CDCP2: variants seen among roughly 807,000 people sequenced by gnomAD.
The protein encoded by CDCP2 is CUB domain containing protein 2, also known as CUB domain-containing protein 2.
A neutral mutation model predicts 31.0 loss-of-function variants in CDCP2; 31 were observed. The ratio of observed to expected loss-of-function variants is 1.00; its 90% CI spans 0.75 to 1.35. CDCP2 has a LOEUF of 1.35. Ranked by LOEUF, CDCP2 falls within the 40% of genes most tolerant of loss-of-function variation. The pLI, the probability that CDCP2 is intolerant of heterozygous loss-of-function variation, is 0.00. For synonymous variants in CDCP2, 206 were observed against 207.9 expected, an observed-to-expected ratio of 0.99 and a Z score of 0.08; for missense variants, 443 against 482.6, an observed-to-expected ratio of 0.92 and a Z score of 0.77.
rs879256492 is a variant in CDCP2 at position 54,148,370 on chromosome 1, G to GA, written c.80-3558dup. Among the ~76,000 whole-genome samples the GA allele has an allele frequency of 7.6e-3, 973 of 127,382 alleles. 21 individuals are homozygous for GA. Among genetic ancestry groups the GA allele is most frequent in the African/African-American group, 0.025 (850 of 33,338 alleles). 83.6% of individuals were successfully genotyped at this position (127,382 alleles called of 152,430 possible). A position where few individuals can be genotyped will look rare whatever the true frequency, so the allele number is the denominator to read the frequency against. ...CAACCTCTAAAAAAAAAGAAAAAAA[G>GA]AAAAAAAAAATTCACTTCAGCTGAC... is the stretch of plus-strand genomic sequence containing the variant. On this transcript the variant is annotated intron_variant, in intron 1 of 5. Coordinates refer to ENST00000530059, the Ensembl canonical transcript of CDCP2.
rs191161784 is a variant in CDCP2 at position 54,139,045 on chromosome 1, A to G, written c.1117+708T>C. On this transcript the variant is annotated intron_variant, in intron 4 of 5. Transcript: ENST00000530059. ...GCTTCCTCTGCAGCCAGGCATGGCC[A>G]TCTGACTGAGTTCAAACTGATGGGA... The G allele has an allele frequency of 7.4e-4, 115 of 156,142 alleles. 1 individual carries two copies. Among genetic ancestry groups the G allele is most frequent in the Admixed American group, 6.9e-3 (112 of 16,192 alleles). 9.7% of individuals were successfully genotyped at this position (156,142 alleles called of 1,614,324 possible).
chr1:54,137,315 C>T (rs939717116), intron 4 of CDCP2, among the ~76,000 whole-genome samples: 1 of 151,984 alleles, frequency 6.6e-6, no homozygotes, highest in Non-Finnish European at 1.5e-5. Context: ...ATGTAAAATA[C>T]ACCCACGTGT....
chr1:54,133,195 G>C, exon 6 of CDCP2: 1 of 399,120 alleles, frequency 2.5e-6, no homozygotes, highest in Admixed American at 4.4e-5. Context: ...TCCTTGCGCC[G>C]TGGCTCACAG....
intron 1 of CDCP2, among the ~76,000 whole-genome samples, 156 bp from the exon 2 acceptor site, chr1:54,144,969 G>C (rs1659439603): frequency 6.6e-6 from 1 of 152,152 alleles, no homozygotes; most frequent in African/African-American, 2.4e-5. Context: ...TTATTCTTCA[G>C]ATGCTGACCA....
At chr1:54,139,519 G>C in intron 4 of CDCP2, 1 of 1,612,126 alleles carries the variant, frequency 6.2e-7, no homozygotes, top group South Asian at 1.1e-5. Flanking sequence ...GACTCACGAA[G>C]TTAGAAGCTG....
intron 3 of CDCP2, chr1:54,140,440 G>C (rs1659346801): frequency 5.0e-6 from 2 of 396,446 alleles, no homozygotes; most frequent in South Asian, 4.5e-5. Flanking sequence ...CTTGACAGAT[G>C]ATGTGGTTCA....
chr1:54,147,495 G>A (rs1659496050), intron 1 of CDCP2, among the ~76,000 whole-genome samples: 1 of 151,742 alleles, frequency 6.6e-6, no homozygotes, highest in African/African-American at 2.4e-5. Flanking sequence ...AGCCTCCTGA[G>A]TAGCTAGATT....
chr1:54,139,707 G>A, intron 4 of CDCP2, 46 bp downstream of exon 4: 1 of 1,614,194 alleles, frequency 6.2e-7, no homozygotes, highest in South Asian at 1.1e-5. Flanking sequence ...AGGCTGCAAA[G>A]CCTCCCCTTC....
rs368164700 is a variant in CDCP2 at position 54,144,650 on chromosome 1, G to T, written c.243C>A (p.Asp81Glu). ...TCTCCAGAAAGTCGAAGCTGCAGGT[G>T]TCGTGGTACTCTAGGTCAAAGGCAT... is the stretch of plus-strand genomic sequence containing the variant. The change falls in exon 2 of 6, where the codon GAC (aspartate) becomes GAA (glutamate). Residue 81 changes from aspartate (D) to glutamate (E), a missense_variant. Physicochemically the swap from Asp to Glu is conservative, Grantham distance 45. Transcript: ENST00000530059. The T allele has an allele frequency of 6.5e-5, 105 of 1,613,494 alleles. No individual in the cohort carries two copies. Among genetic ancestry groups the T allele is most frequent in the Non-Finnish European group, 8.0e-5 (94 of 1,179,864 alleles).
At chr1:54,133,738 T>G (rs181709927) in intron 5 of CDCP2, among the ~76,000 whole-genome samples, 3 of 151,518 alleles carry the variant, frequency 2.0e-5, no homozygotes, top group African/African-American at 7.3e-5. Flanking sequence ...CTACTAAAAA[T>G]ACAAAAAATT....
chr1:54,152,707 C>T, intron 1 of CDCP2, 137 bp downstream of exon 1: 1 of 732,288 alleles, frequency 1.4e-6, no homozygotes, highest in Non-Finnish European at 2.3e-6. Flanking sequence ...CAGGAACAAA[C>T]ACATTCTCAA....
intron 5 of CDCP2, among the ~76,000 whole-genome samples, chr1:54,133,844 T>C (rs34252841): frequency 2.7e-5 from 4 of 149,522 alleles, no homozygotes; most frequent in Admixed American, 6.8e-5. Flanking sequence ...TGCAGTGAGC[T>C]GAGATCGAGC....
At chr1:54,148,615 T>C (rs914463519) in intron 1 of CDCP2, among the ~76,000 whole-genome samples, 2 of 151,608 alleles carry the variant, frequency 1.3e-5, no homozygotes, top group African/African-American at 4.9e-5. Flanking sequence ...TAGAGGAACA[T>C]TTTAAGTAAT....
chr1:54,132,992 G>A, exon 6 of CDCP2: 2 of 399,020 alleles, frequency 5.0e-6, no homozygotes, highest in South Asian at 1.3e-4. Flanking sequence ...AGACCACGAT[G>A]GCAATAACCA....
At chr1:54,145,559 T>G (rs1246670069) in intron 1 of CDCP2, among the ~76,000 whole-genome samples, 1 of 152,160 alleles carries the variant, frequency 6.6e-6, no homozygotes, top group East Asian at 1.9e-4. Flanking sequence ...GTTAAAACAT[T>G]ATGCAGTAGG....
intron 5 of CDCP2, among the ~76,000 whole-genome samples, chr1:54,134,147 C>G (rs1327948783): frequency 1.3e-5 from 2 of 152,208 alleles, no homozygotes; most frequent in African/African-American, 4.8e-5. Context: ...GACATGACTA[C>G]TGAGGCCTGG....
At chr1:54,145,299 G>A (rs567792818) in intron 1 of CDCP2, among the ~76,000 whole-genome samples, 5 of 152,180 alleles carry the variant, frequency 3.3e-5, no homozygotes, top group South Asian at 2.1e-4. Context: ...GGTGGTGCGC[G>A]CCTGTAGTCC....
At chr1:54,149,843 T>A (rs1221390477) in intron 1 of CDCP2, among the ~76,000 whole-genome samples, 2 of 152,206 alleles carry the variant, frequency 1.3e-5, no homozygotes, top group Admixed American at 1.3e-4. Context: ...AATAATCTTA[T>A]ATAATCCTCA....
chr1:54,146,724 C>T (rs1038719337), intron 1 of CDCP2, among the ~76,000 whole-genome samples: 8 of 151,736 alleles, frequency 5.3e-5, no homozygotes. Context: ...ACAGGAAATA[C>T]ACAAAATATA....
Sources: allele counts gnomAD v4.1 joint callset (sites outside exome capture counted in the v4.1 genomes callset), GRCh38; gene constraint gnomAD v4.1.1; transcripts MANE v1.5; gene names NCBI Gene and HGNC (gene_info 2026-07-23, HGNC 2026-07-21).